The following ASTN2 variants were observed in gnomAD, a reference collection of about 807,000 sequenced individuals.
The protein encoded by ASTN2 is astrotactin-2.
A neutral mutation model predicts 139.8 loss-of-function variants in ASTN2; 54 were observed. The observed-to-expected ratio is 0.39, with a 90% confidence interval of 0.31 to 0.48. The LOEUF (loss-of-function observed/expected upper bound fraction) is 0.48. Ranked by LOEUF, ASTN2 falls within the 20% of genes least tolerant of loss-of-function variation. ASTN2 has a pLI of 0.95. For synonymous variants in ASTN2, 756 were observed against 719.5 expected, an observed-to-expected ratio of 1.05 and a Z score of -0.81; for missense variants, 1,565 against 1,725.1, an observed-to-expected ratio of 0.91 and a Z score of 1.64.
chr9:116,878,745 C>T (rs1017317873), intron 10 of ASTN2, among the ~76,000 whole-genome samples: 12 of 151,878 alleles, frequency 7.9e-5, no homozygotes, highest in African/African-American at 2.9e-4. Flanking sequence ...TCACCCACCC[C>T]TCTTTCTCCT....
chr9:116,447,991 G>C (rs1201393918), intron 20 of ASTN2, among the ~76,000 whole-genome samples: 1 of 152,168 alleles, frequency 6.6e-6, no homozygotes, highest in Non-Finnish European at 1.5e-5. Flanking sequence ...GGCAGTGAGA[G>C]CTTCTCACAG....
At chr9:116,934,814 C>G (rs138386378) in intron 10 of ASTN2, among the ~76,000 whole-genome samples, 3,666 of 152,250 alleles carry the variant, frequency 0.024, 61 homozygotes, top group Middle Eastern at 0.058. Flanking sequence ...CTGTCTGAGG[C>G]ATGGCACAGA....
chr9:117,057,822 T>C (rs1839106077), intron 5 of ASTN2, among the ~76,000 whole-genome samples: 1 of 152,190 alleles, frequency 6.6e-6, no homozygotes, highest in Admixed American at 6.5e-5. Context: ...AATTTATCAG[T>C]CTCTGGTTAC....
intron 14 of ASTN2, among the ~76,000 whole-genome samples, chr9:116,731,712 C>G (rs1313040403): frequency 1.3e-5 from 2 of 152,224 alleles, no homozygotes; most frequent in Non-Finnish European, 2.9e-5. Context: ...GCATGAGCCA[C>G]TGCGCCCGGC....
chr9:116,584,617 C>T (rs912524448), intron 19 of ASTN2: 2 of 152,180 alleles, frequency 1.3e-5, no homozygotes, highest in Admixed American at 1.3e-4. Flanking sequence ...AAAGACTAAA[C>T]GTCTAAAATT....
chr9:117,245,479 C>G (rs954301308), intron 2 of ASTN2, among the ~76,000 whole-genome samples: 1 of 152,142 alleles, frequency 6.6e-6, no homozygotes, highest in Non-Finnish European at 1.5e-5. Context: ...CCTACTCCAT[C>G]TAGTCCTCAA....
chr9:116,808,062 C>T (rs1588310136), intron 12 of ASTN2, among the ~76,000 whole-genome samples: 1 of 152,012 alleles, frequency 6.6e-6, no homozygotes. Context: ...TGTAGTTAGC[C>T]GAGATCATGC....
chr9:117,064,755 T>C (rs1397461011), intron 5 of ASTN2, among the ~76,000 whole-genome samples: 2 of 151,736 alleles, frequency 1.3e-5, no homozygotes, highest in Admixed American at 6.6e-5. Flanking sequence ...CCACAATCTA[T>C]CCATGTCATA....
At chr9:116,900,548 A>C (rs116936979) in intron 10 of ASTN2, among the ~76,000 whole-genome samples, 1 of 152,312 alleles carries the variant, frequency 6.6e-6, no homozygotes, top group East Asian at 1.9e-4. Flanking sequence ...GAAAAGTTTA[A>C]AAGTTAAAGT....
intron 8 of ASTN2, 66 bp from the exon 9 acceptor site, chr9:116,976,254 A>T: frequency 1.5e-6 from 2 of 1,334,492 alleles, no homozygotes; most frequent in Non-Finnish European, 2.2e-6. Context: ...TCACATGTGG[A>T]CACTGCTCTA....
chr9:116,722,985 G>A (rs961741937), intron 16 of ASTN2, among the ~76,000 whole-genome samples: 15 of 152,152 alleles, frequency 9.9e-5, no homozygotes, highest in African/African-American at 3.6e-4. Flanking sequence ...CTAACACAGT[G>A]AAACCCCATC....
rs1440193705 is a variant in ASTN2 at position 117,316,473 on chromosome 9, TC to T, written c.443-24961del. Among the ~76,000 whole-genome samples, 5 of 152,230 alleles carry T rather than the reference TC, an allele frequency of 3.3e-5. No individual in the cohort carries two copies. In the East Asian group the frequency reaches 9.7e-4, roughly 29 times the overall value. ...CTTCACTCTCTCCCTCATGAGAGCC[TC>T]CCAGGGTGGGGAGCGATGGAAGGGG... On this transcript the variant is annotated intron_variant, in intron 1 of 22. Transcript: ENST00000313400.
chr9:117,054,389 A>G (rs898950518), intron 5 of ASTN2, among the ~76,000 whole-genome samples: 4 of 152,222 alleles, frequency 2.6e-5, no homozygotes, highest in Non-Finnish European at 5.9e-5. Context: ...TCATCATAGG[A>G]AGAAATCCAT....
chr9:116,671,367 T>C (rs1035126162), intron 16 of ASTN2, among the ~76,000 whole-genome samples: 1 of 152,112 alleles, frequency 6.6e-6, no homozygotes, highest in African/African-American at 2.4e-5. Flanking sequence ...AAGTATCAGG[T>C]ATAGGCTAGA....
At chr9:116,616,941 T>A (rs2131818490) in intron 19 of ASTN2, among the ~76,000 whole-genome samples, 1 of 152,306 alleles carries the variant, frequency 6.6e-6, no homozygotes, top group South Asian at 2.1e-4. Context: ...CGCAAACACA[T>A]ATGCACTCCA....
intron 19 of ASTN2, among the ~76,000 whole-genome samples, chr9:116,501,318 G>A (rs1849846551): frequency 6.6e-6 from 1 of 152,202 alleles, no homozygotes; most frequent in Non-Finnish European, 1.5e-5. Flanking sequence ...TGCCTGCATA[G>A]TATTCCATGG....
chr9:117,046,963 G>A (rs1300479213), intron 5 of ASTN2, among the ~76,000 whole-genome samples: 1 of 152,106 alleles, frequency 6.6e-6, no homozygotes, highest in African/African-American at 2.4e-5. Flanking sequence ...TTTGGTTCCT[G>A]CCTGGTCAGA....
intron 16 of ASTN2, chr9:116,701,329 G>A (rs1290988488): frequency 6.1e-6 from 1 of 165,204 alleles, no homozygotes. Context: ...TCTGGAGAAA[G>A]CCCCATATTC....
In ASTN2 at chr9:117,272,296, G is replaced by T. The variant is rs1028956756; in HGVS notation, c.630+19030C>A. Reference sequence around the variant, plus strand: ...GCCACGCTGGAGAGGCTGGGACACAGGCACCAAGTCCCTAGGCTGCACACA... The same window carrying T: ...GCCACGCTGGAGAGGCTGGGACACATGCACCAAGTCCCTAGGCTGCACACA... On this transcript the variant is annotated intron_variant, in intron 2 of 22. Coordinates refer to ENST00000313400, the MANE Select transcript of ASTN2 (RefSeq NM_001365068.1). 2.7e-5 allele frequency among the ~76,000 whole-genome samples: 4 copies of T among 150,852 alleles called. No homozygotes were observed. The East Asian group carries it at 7.7e-4, about 29-fold the overall frequency.
Sources: allele counts gnomAD v4.1 joint callset (sites outside exome capture counted in the v4.1 genomes callset), GRCh38; gene constraint gnomAD v4.1.1; transcripts MANE v1.5; gene names NCBI Gene and HGNC (gene_info 2026-07-23, HGNC 2026-07-21).